Variants in ROBO2 observed in about 807,000 individuals in gnomAD.
The protein encoded by ROBO2 is roundabout homolog 2.
Under a neutral mutation model 160.8 loss-of-function variants are expected in ROBO2, and 53 were observed. The observed-to-expected ratio is 0.33, with a 90% CI of 0.26 to 0.41. The LOEUF (loss-of-function observed/expected upper bound fraction) is 0.41, where lower values mean the gene tolerates loss of function less well. ROBO2 is among the 10% of genes least tolerant of loss of function. The pLI, the probability that ROBO2 is intolerant of heterozygous loss-of-function variation, is 1.00. For missense variants in ROBO2, 1,577 were observed against 1,722.4 expected (o/e 0.92, Z 1.49); for synonymous variants, 664 against 611.7 (o/e 1.09, Z -1.26).
intron 2 of ROBO2, among the ~76,000 whole-genome samples, chr3:77,127,153 C>T (rs1426084025): frequency 1.3e-5 from 2 of 152,086 alleles, no homozygotes; most frequent in Admixed American, 6.5e-5. Flanking sequence ...GCTCCACCTG[C>T]TCCTCATAGT....
intron 2 of ROBO2, among the ~76,000 whole-genome samples, chr3:76,297,134 A>G (rs142247378): frequency 9.2e-4 from 140 of 152,314 alleles, no homozygotes; most frequent in African/African-American, 3.0e-3. Context: ...GGGATTTTAT[A>G]TGGGCTGATC....
intron 2 of ROBO2, among the ~76,000 whole-genome samples, chr3:75,952,990 C>T (rs1420480113): frequency 2.6e-5 from 4 of 151,872 alleles, no homozygotes; most frequent in Non-Finnish European, 5.9e-5. Flanking sequence ...ATTCCGTTGC[C>T]TGGATATAAC....
intron 1 of ROBO2, among the ~76,000 whole-genome samples, chr3:77,083,131 A>T (rs895454997): frequency 6.6e-6 from 1 of 152,146 alleles, no homozygotes; most frequent in Non-Finnish European, 1.5e-5. Flanking sequence ...TGAACTAAAA[A>T]AATGAGAAAC....
At chr3:76,607,144 C>T (rs2087728878) in intron 2 of ROBO2, among the ~76,000 whole-genome samples, 1 of 152,138 alleles carries the variant, frequency 6.6e-6, no homozygotes, top group South Asian at 2.1e-4. Flanking sequence ...GACTTGAACT[C>T]CTGGACAGGA....
chr3:76,317,715 T>C (rs568431421), intron 2 of ROBO2, among the ~76,000 whole-genome samples: 2 of 152,214 alleles, frequency 1.3e-5, no homozygotes, highest in South Asian at 4.1e-4. Flanking sequence ...TTCTATATGT[T>C]CAAAAGATTA....
chr3:76,142,371 G>A (rs528193686), intron 2 of ROBO2, among the ~76,000 whole-genome samples: 2 of 151,952 alleles, frequency 1.3e-5, no homozygotes, highest in Admixed American at 6.6e-5. Context: ...GCACTCCTAC[G>A]TTTGTTGCAG....
At chr3:76,384,329 A>G (rs887226346) in intron 2 of ROBO2, among the ~76,000 whole-genome samples, 1 of 152,154 alleles carries the variant, frequency 6.6e-6, no homozygotes, top group Admixed American at 6.5e-5. Flanking sequence ...AGAAGCACAT[A>G]CTTGATTTAC....
At chr3:76,128,878 A>G (rs747094983) in intron 2 of ROBO2, among the ~76,000 whole-genome samples, 6 of 152,092 alleles carry the variant, frequency 3.9e-5, no homozygotes, top group Non-Finnish European at 7.4e-5. Flanking sequence ...CAATAAAAGG[A>G]GGAGTGAGAA....
intron 2 of ROBO2, among the ~76,000 whole-genome samples, chr3:76,862,476 T>A (rs1265519097): frequency 6.6e-6 from 1 of 152,002 alleles, no homozygotes; most frequent in Non-Finnish European, 1.5e-5. Context: ...AATTTGTGAG[T>A]TTTTATGCAA....
chr3:76,124,071 TA>T, intron 2 of ROBO2, among the ~76,000 whole-genome samples: 1 of 151,300 alleles, frequency 6.6e-6, no homozygotes, highest in Non-Finnish European at 1.5e-5. Flanking sequence ...TTTTTTGTTT[TA>T]AAAAAACACT....
intron 2 of ROBO2, among the ~76,000 whole-genome samples, chr3:76,775,934 G>T (rs528135772): frequency 2.0e-5 from 3 of 150,642 alleles, no homozygotes; most frequent in Admixed American, 1.3e-4. Context: ...AGTTTAAAAG[G>T]ATGCAATATC....
intron 2 of ROBO2, among the ~76,000 whole-genome samples, chr3:76,186,762 TTCTC>T (rs1264476896): frequency 2.0e-5 from 3 of 152,148 alleles, no homozygotes; most frequent in Non-Finnish European, 4.4e-5. Flanking sequence ...CACTCCCTTG[TTCTC>T]TCTAATTCAT....
intron 2 of ROBO2, among the ~76,000 whole-genome samples, chr3:77,206,834 T>A (rs1050253523): frequency 1.3e-5 from 2 of 152,150 alleles, no homozygotes; most frequent in African/African-American, 2.4e-5. Context: ...AATTCAAGAA[T>A]TCTGTAATCC....
At chr3:77,144,660 C>A (rs2076980493) in intron 2 of ROBO2, among the ~76,000 whole-genome samples, 1 of 152,158 alleles carries the variant, frequency 6.6e-6, no homozygotes, top group African/African-American at 2.4e-5. Flanking sequence ...AAGGACTCTA[C>A]TGATGAAAAA....
chr3:76,930,617 A>G (rs898207392), intron 2 of ROBO2, among the ~76,000 whole-genome samples: 2 of 152,196 alleles, frequency 1.3e-5, no homozygotes, highest in Admixed American at 6.5e-5. Context: ...TACTTGATCA[A>G]GGAGGCTAAG....
intron 2 of ROBO2, among the ~76,000 whole-genome samples, chr3:76,417,750 A>G (rs1287320273): frequency 6.6e-6 from 1 of 152,172 alleles, no homozygotes; most frequent in Non-Finnish European, 1.5e-5. Context: ...AAACTATTAC[A>G]TTAAGAAAGA....
chr3:76,879,341 G>A (rs1403971649), intron 2 of ROBO2, among the ~76,000 whole-genome samples: 2 of 152,024 alleles, frequency 1.3e-5, no homozygotes, highest in African/African-American at 4.8e-5. Flanking sequence ...AGTAGGTCTG[G>A]GGTGTGTGTC....
chr3:76,760,288 A>AG (rs1160259668), intron 2 of ROBO2, among the ~76,000 whole-genome samples: 2 of 151,774 alleles, frequency 1.3e-5, no homozygotes, highest in African/African-American at 4.8e-5. Flanking sequence ...AATTACCGAA[A>AG]GTAGTATCCT....
At chr3:76,245,496 A>C (rs976922991) in intron 2 of ROBO2, among the ~76,000 whole-genome samples, 2 of 152,194 alleles carry the variant, frequency 1.3e-5, no homozygotes, top group Non-Finnish European at 2.9e-5. Context: ...TACTCATTAC[A>C]TTATAAAAAA....
Sources: allele counts gnomAD v4.1 joint callset (sites outside exome capture counted in the v4.1 genomes callset), GRCh38; gene constraint gnomAD v4.1.1; transcripts MANE v1.5; gene names NCBI Gene and HGNC (gene_info 2026-07-23, HGNC 2026-07-21).